The following ZMIZ2 variants were observed in gnomAD, a reference collection of about 807,000 sequenced individuals.
ZMIZ2 encodes the protein zinc finger MIZ-type containing 2, also known as zinc finger MIZ domain-containing protein 2.
A neutral mutation model predicts 93.9 loss-of-function variants in ZMIZ2; 26 were observed. That is an observed-to-expected ratio of 0.28 (90% confidence interval 0.20 to 0.38). The LOEUF (loss-of-function observed/expected upper bound fraction) is 0.38, where lower values mean the gene tolerates loss of function less well. Ranked by LOEUF, ZMIZ2 falls within the 10% of genes least tolerant of loss-of-function variation. The pLI, the probability that ZMIZ2 is intolerant of heterozygous loss-of-function variation, is 1.00. For missense variants in ZMIZ2, 1,023 were observed against 1,235.0 expected, an observed-to-expected ratio of 0.83 and a Z score of 2.57; for synonymous variants, 485 against 516.4, an observed-to-expected ratio of 0.94 and a Z score of 0.82.
chr7:44,764,580 GC>G (rs1176728154), intron 14 of ZMIZ2, 94 bp downstream of exon 14: 11 of 1,408,532 alleles, frequency 7.8e-6, no homozygotes, highest in Non-Finnish European at 9.9e-6. Context: ...AAAGATACGA[GC>G]CTGCTGGGAG....
chr7:44,761,884 C>G lies in ZMIZ2; in HGVS notation c.1575C>G (p.Ile525Met), dbSNP rs775044060. Residue 525 changes from isoleucine to methionine, a missense_variant, in exon 11 of 19, where the codon ATC becomes ATG. This residue lies in a region of ZMIZ2 where 656 missense variants were observed against 777.1 expected (regional missense o/e 0.84). Coordinates refer to ENST00000309315, the MANE Select transcript of ZMIZ2 (RefSeq NM_031449.4). This position sits in a 1 kb window ranked among gnomAD's most constrained non-coding sequence, Gnocchi z 5.8. ...AGCCAGGCCGCAACACCATCCAGAT[C>G]ACCGTCACCGCCTGCTGCTGCGTGC... ...VCQPGRNTIQ[I>M]TVTACCCSHL... 33 of 1,613,550 alleles carry G rather than the reference C, an allele frequency of 2.0e-5. No homozygotes were observed. The highest frequency in any genetic ancestry group is 7.7e-5 in the South Asian group (7 of 91,080).
intron 11 of ZMIZ2, 96 bp downstream of exon 11, chr7:44,762,001 C>T (rs1336541988): frequency 2.0e-5 from 4 of 201,038 alleles, no homozygotes; most frequent in South Asian, 1.1e-4. Flanking sequence ...GGGGTGTGGG[C>T]GGGGCCTGGC....
intron 4 of ZMIZ2, 47 bp from the exon 5 acceptor site, chr7:44,757,331 C>A (rs778014630): frequency 1.3e-6 from 2 of 1,582,596 alleles, no homozygotes; most frequent in South Asian, 2.2e-5. Context: ...CAGTCCTGGC[C>A]CTCATGAGCC....
At position 44,769,858 on chromosome 7, in the gene ZMIZ2, A is replaced by C. The variant is rs1234424804; in HGVS notation, c.*2235A>C. The C allele has an allele frequency of 6.6e-6, 1 of 152,302 alleles. No homozygotes were observed. Among genetic ancestry groups the C allele is most frequent in the African/African-American group, 2.4e-5 (1 of 41,466 alleles). The allele number at this position is 152,302 out of a possible 1,614,324, so 9.4% of individuals were successfully genotyped here. ...AAGACAGTTCATACAGTATGATGCC[A>C]TTTTTATAAAGCTCAAAACCAAATA... On this transcript the variant is annotated 3_prime_UTR_variant, in exon 19 of 19. Transcript: ENST00000309315.
chr7:44,757,715 T>C, intron 5 of ZMIZ2, 133 bp from the exon 6 acceptor site: 1 of 1,303,754 alleles, frequency 7.7e-7, no homozygotes, highest in Non-Finnish European at 9.8e-7. Flanking sequence ...AGTGAGGGTC[T>C]GAGGGGAGAG....
At chr7:44,753,315 T>A (rs1467536542) in intron 1 of ZMIZ2, among the ~76,000 whole-genome samples, 1 of 152,064 alleles carries the variant, frequency 6.6e-6, no homozygotes, top group Non-Finnish European at 1.5e-5. Context: ...CATGATCATG[T>A]CTCACCCCAG....
In ZMIZ2 at chr7:44,757,637, G is replaced by A. The variant is rs1790725352; in HGVS notation, c.552+76G>A. The A allele has an allele frequency of 2.0e-6, 3 of 1,499,228 alleles. No individual in the cohort carries two copies. The Admixed American group carries it at 7.0e-5, about 35-fold the overall frequency. 92.9% of individuals were successfully genotyped at this position (1,499,228 alleles called of 1,614,324 possible). On this transcript the variant is annotated intron_variant, in intron 5 of 18. Transcript: ENST00000309315. Reference sequence around the variant, plus strand: ...GGAGGAGGTACTCAGCCAGACAGTGGGCTCCAGGGACAAGCATGGAATATG... The same window carrying A: ...GGAGGAGGTACTCAGCCAGACAGTGAGCTCCAGGGACAAGCATGGAATATG...
In ZMIZ2 at chr7:44,766,482, C is replaced by G. The variant is rs761420576; in HGVS notation, c.2474C>G (p.Ser825Cys). ...HNPGTPGLHT[S>C]NLGAPPGPQL... Reference sequence around the variant, plus strand: ...CCTGGGACACCAGGACTACACACCTCCAACCTTGGGGCCCCTCCAGGTCCC... The same window carrying G: ...CCTGGGACACCAGGACTACACACCTGCAACCTTGGGGCCCCTCCAGGTCCC... The change falls in exon 18 of 19, where the codon TCC becomes TGC. Residue 825 changes from serine to cysteine, a missense_variant. Coordinates refer to ENST00000309315, the MANE Select transcript of ZMIZ2 (RefSeq NM_031449.4). This position sits in a 1 kb window ranked among gnomAD's most constrained non-coding sequence, Gnocchi z 4.4. 6.2e-7 allele frequency: 1 copy of G among 1,614,212 alleles called. No homozygotes were observed. The highest frequency in any genetic ancestry group is 1.6e-4 in the Middle Eastern group (1 of 6,062).
rs376863416 is a variant in ZMIZ2 at position 44,761,813 on chromosome 7, G to A, written c.1504G>A (p.Asp502Asn). Residue 502 changes from aspartate to asparagine, a missense_variant, in exon 11 of 19, where the codon GAC (aspartate) becomes AAC (asparagine). Transcript: ENST00000309315. The surrounding 1 kb of genome is among the most constrained non-coding windows in gnomAD (Gnocchi z 5.8). ...CACGCCGCTCACCATCGAGCGTGGCGACAACAAGACCTCGCACAAGCCACT... is the reference window on the plus strand; with the variant it reads ...CACGCCGCTCACCATCGAGCGTGGCAACAACAAGACCTCGCACAAGCCACT... The part of the protein sequence containing the change: ...NATPLTIERG[D>N]NKTSHKPLYL... 22 of 1,613,606 alleles carry A rather than the reference G, an allele frequency of 1.4e-5. No homozygotes were observed. The African/African-American group carries it at 2.5e-4, about 19-fold the overall frequency.
At chr7:44,762,769 G>T in intron 11 of ZMIZ2, 112 bp from the exon 12 acceptor site, 6 of 613,444 alleles carry the variant, frequency 9.8e-6, no homozygotes, top group South Asian at 7.3e-5. Context: ...CCTCAGCCTT[G>T]TCCCTCCCCC....
rs1246882094 is a variant in ZMIZ2 at position 44,769,852 on chromosome 7, G to A, written c.*2229G>A. The A allele has an allele frequency of 1.3e-5, 2 of 152,292 alleles. No homozygotes were observed. Among genetic ancestry groups the A allele is most frequent in the East Asian group, 3.8e-4 (2 of 5,206 alleles). 9.4% of individuals were successfully genotyped at this position (152,292 alleles called of 1,614,324 possible). ...AAAAGCAAGACAGTTCATACAGTAT[G>A]ATGCCATTTTTATAAAGCTCAAAAC... On this transcript the variant is annotated 3_prime_UTR_variant, in exon 19 of 19. Coordinates refer to ENST00000309315, the MANE Select transcript of ZMIZ2 (RefSeq NM_031449.4).
chr7:44,756,420 T>G lies in ZMIZ2; in HGVS notation c.51-5T>G. 1 of 1,614,042 alleles carries G rather than the reference T, an allele frequency of 6.2e-7. No individual in the cohort carries two copies. The highest frequency in any genetic ancestry group is 8.5e-7 in the Non-Finnish European group (1 of 1,180,004). ...CCCAGGCCTCAGCAGCCTCTTTCCCTGCAGTGATGGTTCATTCGCATATGA... is the reference window on the plus strand; with the variant it reads ...CCCAGGCCTCAGCAGCCTCTTTCCCGGCAGTGATGGTTCATTCGCATATGA... On this transcript the variant is annotated splice_polypyrimidine_tract_variant and splice_region_variant and intron_variant, in intron 2 of 18. Transcript: ENST00000309315.
chr7:44,757,668 G>C, intron 5 of ZMIZ2, 107 bp downstream of exon 5: 1 of 1,459,948 alleles, frequency 6.8e-7, no homozygotes, highest in Non-Finnish European at 9.1e-7. Flanking sequence ...ATATGCCAGG[G>C]CTCATGAAGC....
At chr7:44,760,359 C>G (rs571803003) in intron 8 of ZMIZ2, 66 bp from the exon 9 acceptor site, 3 of 1,591,342 alleles carry the variant, frequency 1.9e-6, no homozygotes, top group Non-Finnish European at 2.6e-6. Flanking sequence ...GTGGGTGCGC[C>G]GTGAACAGAC....
rs1400238984 is a variant in ZMIZ2, at chr7:44,761,252, A to G, written c.1241-197A>G. Among the ~76,000 whole-genome samples the G allele has an allele frequency of 1.3e-5, 2 of 152,258 alleles. No individual in the cohort carries two copies. Among genetic ancestry groups the G allele is most frequent in the Non-Finnish European group, 2.9e-5 (2 of 68,044 alleles). On this transcript the variant is annotated intron_variant, in intron 9 of 18. Coordinates refer to ENST00000309315, the MANE Select transcript of ZMIZ2 (RefSeq NM_031449.4). The surrounding 1 kb of genome is among the most constrained non-coding windows in gnomAD (Gnocchi z 5.8). ...GACAGAACATCACGACCGAATGCCC[A>G]GGCCTCAGGAGAGATGCTGCCCATG...
At position 44,763,386 on chromosome 7, in the gene ZMIZ2, C is replaced by T. The variant is rs763310224; in HGVS notation, c.1833C>T (p.Ala611=). 1 of 1,614,088 alleles carries T rather than the reference C, an allele frequency of 6.2e-7. No individual in the cohort carries two copies. The highest frequency in any genetic ancestry group is 1.1e-5 in the South Asian group (1 of 91,070). Residue 611 remains alanine, a synonymous_variant, in exon 13 of 19, where the codon GCC becomes GCT. Transcript: ENST00000309315. The surrounding 1 kb of genome is among the most constrained non-coding windows in gnomAD (Gnocchi z 5.6). ...CCTTCCGCAGGATCCAGCTCCCTGC[C>T]CGAGGTCATGACTGTCGCCACATAC... ...PITFRRIQLP[A]RGHDCRHIQC... is the part of the protein sequence containing the mutation.
At chr7:44,760,250 A>G in intron 8 of ZMIZ2, 22 bp downstream of exon 8, 1 of 1,604,570 alleles carries the variant, frequency 6.2e-7, no homozygotes, top group Middle Eastern at 1.7e-4. Context: ...GGCCGGGAGG[A>G]TGGGCCGGGA....
chr7:44,765,516 G>A lies in ZMIZ2; in HGVS notation c.2179G>A (p.Ala727Thr), dbSNP rs1562747993. The A allele has an allele frequency of 1.9e-6, 3 of 1,594,680 alleles. No individual in the cohort carries two copies. Among genetic ancestry groups the A allele is most frequent in the Non-Finnish European group, 2.5e-6 (3 of 1,178,070 alleles). Residue 727 changes from alanine (A) to threonine (T), a missense_variant, in exon 16 of 19, where the codon GCT becomes ACT. By Grantham distance (58) the Ala-to-Thr change is moderately conservative (BLOSUM62 0). Around this residue, in one of 3 missense-constraint regions of ZMIZ2, gnomAD observed 319 missense variants for 358.8 expected, o/e 0.89. Coordinates refer to ENST00000309315, the MANE Select transcript of ZMIZ2 (RefSeq NM_031449.4). The surrounding 1 kb of genome is among the most constrained non-coding windows in gnomAD (Gnocchi z 4.1). ...GATGATCGCCGCCCTGGGCCCCGGC[G>A]CTGCCCCCTTTGCCCCCCTGCAGCC... ...MEMIAALGPG[A>T]APFAPLQPPS... is the part of the protein sequence containing the mutation.
chr7:44,760,840 C>A (rs1195898902), intron 9 of ZMIZ2, among the ~76,000 whole-genome samples: 1 of 124,260 alleles, frequency 8.0e-6, no homozygotes, highest in African/African-American at 3.2e-5. Context: ...CAAAGCAAGA[C>A]CCTGTCTTAA....
Sources: allele counts gnomAD v4.1 joint callset (sites outside exome capture counted in the v4.1 genomes callset), GRCh38; gene constraint gnomAD v4.1.1; regional missense constraint gnomAD v4.1.1; non-coding constraint Gnocchi (gnomAD v3.1); transcripts MANE v1.5; gene names NCBI Gene and HGNC (gene_info 2026-07-23, HGNC 2026-07-21).